Variants in ZNF784 observed in about 807,000 individuals in gnomAD.
ZNF784 encodes the protein zinc finger protein 784.
ZNF784 carries 5 observed loss-of-function variants against 3.3 expected under a neutral mutation model. The ratio of observed to expected loss-of-function variants is 1.53; its 90% CI spans 0.80 to 3.22. ZNF784 has a LOEUF of 3.22. Among genes scored for constraint, ZNF784 ranks in the 30% most tolerant of loss-of-function variants. The pLI is 0.00. For synonymous variants in ZNF784, 231 were observed against 219.6 expected, an observed-to-expected ratio of 1.05 and a Z score of -0.46; for missense variants, 501 against 480.7, an observed-to-expected ratio of 1.04 and a Z score of -0.39.
In ZNF784 at chr19:55,622,097, G is replaced by T; in HGVS notation, c.626C>A (p.Ser209Ter). ...CACGCGCTCGTGGTCTCGCATGTCT[G>T]AGGAGCGGCGGAAGGGCTTGGCGCA... ...RFCAKPFRRS[S>*]DMRDHERVHT... Residue 209 changes from serine to a stop codon, truncating the protein, a stop_gained, in exon 2 of 2, where the codon TCA becomes TAA. Coordinates refer to ENST00000325351, the MANE Select transcript of ZNF784 (RefSeq NM_203374.2). LOFTEE classifies it low-confidence loss of function (END_TRUNC). This position sits in a 1 kb window ranked among gnomAD's most constrained non-coding sequence, Gnocchi z 5.9. The T allele has an allele frequency of 6.4e-7, 1 of 1,570,070 alleles. No individual in the cohort carries two copies. Among genetic ancestry groups the T allele is most frequent in the East Asian group, 2.3e-5 (1 of 43,394 alleles).
rs955391535 is a variant in ZNF784, at chr19:55,621,633, G to T, written c.*118C>A. On this transcript the variant is annotated 3_prime_UTR_variant, in exon 2 of 2. Coordinates refer to ENST00000325351, the MANE Select transcript of ZNF784 (RefSeq NM_203374.2). This position sits in a 1 kb window ranked among gnomAD's most constrained non-coding sequence, Gnocchi z 4.1. ...GCGGCTCACAACCATCCCTGCAGCT[G>T]TCATCTCTCCCCCAATCTCCCCTCT... The T allele has an allele frequency of 4.9e-5, 65 of 1,337,576 alleles. No homozygotes were observed. The highest frequency in any genetic ancestry group is 2.6e-4 in the Middle Eastern group (1 of 3,798). The allele number at this position is 1,337,576 out of a possible 1,614,324, so 82.9% of individuals were successfully genotyped here. A position where few individuals can be genotyped will look rare whatever the true frequency, so the allele number is the denominator to read the frequency against.
chr19:55,622,715 T>C lies in ZNF784; in HGVS notation c.79-71A>G. 1 of 1,328,042 alleles carries C rather than the reference T, an allele frequency of 7.5e-7. No homozygotes were observed. Among genetic ancestry groups the C allele is most frequent in the Non-Finnish European group, 1.0e-6 (1 of 1,003,022 alleles). The allele number at this position is 1,328,042 out of a possible 1,614,324, so 82.3% of individuals were successfully genotyped here. On this transcript the variant is annotated intron_variant, in intron 1 of 1. Transcript: ENST00000325351. This position sits in a 1 kb window ranked among gnomAD's most constrained non-coding sequence, Gnocchi z 5.9. ...GACCGCCCCAGCACGCCCCAATTATTAAAGCTTGGGCTCCTCTGTTATTTT... is the reference window on the plus strand; with the variant it reads ...GACCGCCCCAGCACGCCCCAATTATCAAAGCTTGGGCTCCTCTGTTATTTT...
rs1354170846 is a variant in ZNF784, at chr19:55,620,808, T to C, written c.*943A>G. 5 of 152,656 alleles carry C rather than the reference T, an allele frequency of 3.3e-5. No individual in the cohort carries two copies. Among genetic ancestry groups the C allele is most frequent in the African/African-American group, 1.2e-4 (5 of 41,420 alleles). The allele number at this position is 152,656 out of a possible 1,614,324, so 9.5% of individuals were successfully genotyped here. A position where few individuals can be genotyped will look rare whatever the true frequency, so the allele number is the denominator to read the frequency against. ...CACACCTCCAGCTCCCAAGTCCTCCTCTCGCCCCCACCACAGTGACTCTTT... is the reference window on the plus strand; with the variant it reads ...CACACCTCCAGCTCCCAAGTCCTCCCCTCGCCCCCACCACAGTGACTCTTT... On this transcript the variant is annotated 3_prime_UTR_variant, in exon 2 of 2. Transcript: ENST00000325351.
Position 55,624,566 on chromosome 19 carries a change from T to G in ZNF784, c.-5A>C. ...CTCTGGGCGCGCAGCGGCCATCTTG[T>G]GCCCAAGCCCCGCCCCCAAGGCCAA... On this transcript the variant is annotated 5_prime_UTR_variant, in exon 1 of 2. Transcript: ENST00000325351. 1.3e-6 allele frequency: 2 copies of G among 1,579,406 alleles called. No individual in the cohort carries two copies. Among genetic ancestry groups the G allele is most frequent in the Non-Finnish European group, 8.6e-7 (1 of 1,163,072 alleles).
chr19:55,623,039 T>C (rs928597586), intron 1 of ZNF784, among the ~76,000 whole-genome samples: 1 of 152,084 alleles, frequency 6.6e-6, no homozygotes, highest in Admixed American at 6.5e-5. Context: ...AGCCAGGTGT[T>C]GTGGCTGCTG....
intron 1 of ZNF784, among the ~76,000 whole-genome samples, chr19:55,624,169 A>G (rs923373010): frequency 1.1e-4 from 17 of 151,300 alleles, no homozygotes; most frequent in South Asian, 4.2e-4. Flanking sequence ...GCTCCACCCA[A>G]ATTATGCAAA....
chr19:55,622,021 G>C lies in ZNF784; in HGVS notation c.702C>G (p.Thr234=). ...CGTGGCCGCTAAGCACCGAGGACTG[G>C]GTGAAGCCCTTGCCGCAGATGCCGC... ...YHCGICGKGF[T]QSSVLSGHAR... The change falls in exon 2 of 2, where the codon ACC becomes ACG. Residue 234 remains threonine, a synonymous_variant. Coordinates refer to ENST00000325351, the MANE Select transcript of ZNF784 (RefSeq NM_203374.2). The surrounding 1 kb of genome is among the most constrained non-coding windows in gnomAD (Gnocchi z 5.9). 1 of 1,593,834 alleles carries C rather than the reference G, an allele frequency of 6.3e-7. No homozygotes were observed. Among genetic ancestry groups the C allele is most frequent in the Non-Finnish European group, 8.5e-7 (1 of 1,177,970 alleles).
At position 55,622,346 on chromosome 19, in the gene ZNF784, TC is replaced by T; in HGVS notation, c.376del (p.Glu126SerfsTer57). ...LRAHYSLHTG[E>X]RPYRCALCPR... is the part of the protein sequence containing the mutation. ...GCAGAGCGCGCAGCGGTAGGGCCGC[TC>T]CCCCGTGTGCAAGCTGTAGTGCGCG... On this transcript the variant is annotated frameshift_variant, in exon 2 of 2. Coordinates refer to ENST00000325351, the MANE Select transcript of ZNF784 (RefSeq NM_203374.2). LOFTEE classifies it low-confidence loss of function (END_TRUNC). This position sits in a 1 kb window ranked among gnomAD's most constrained non-coding sequence, Gnocchi z 5.9. 1.3e-6 allele frequency: 2 copies of T among 1,515,436 alleles called. No homozygotes were observed. The highest frequency in any genetic ancestry group is 1.8e-6 in the Non-Finnish European group (2 of 1,133,052). 93.9% of individuals were successfully genotyped at this position (1,515,436 alleles called of 1,614,324 possible). A position where few individuals can be genotyped will look rare whatever the true frequency, so the allele number is the denominator to read the frequency against.
chr19:55,624,373 C>T (rs1981672764), intron 1 of ZNF784, 111 bp downstream of exon 1: 6 of 993,198 alleles, frequency 6.0e-6, no homozygotes, highest in Admixed American at 2.7e-5. Flanking sequence ...GGCCATAGCA[C>T]TAAATACCTC....
In ZNF784 at chr19:55,620,944, G is replaced by C. The variant is rs1303892727; in HGVS notation, c.*807C>G. The C allele has an allele frequency of 6.6e-6, 1 of 152,656 alleles. No individual in the cohort carries two copies. The highest frequency in any genetic ancestry group is 1.5e-5 in the Non-Finnish European group (1 of 68,130). The allele number at this position is 152,656 out of a possible 1,614,324, so 9.5% of individuals were successfully genotyped here. A position where few individuals can be genotyped will look rare whatever the true frequency, so the allele number is the denominator to read the frequency against. ...TTCGAACTGGGAGTGGAGGAAATTA[G>C]AGAAACCTGAGGCTACCTTGAGGCT... is the stretch of plus-strand genomic sequence containing the variant. On this transcript the variant is annotated 3_prime_UTR_variant, in exon 2 of 2. Coordinates refer to ENST00000325351, the MANE Select transcript of ZNF784 (RefSeq NM_203374.2).
chr19:55,621,171 C>T lies in ZNF784; in HGVS notation c.*580G>A, dbSNP rs1444668196. 1 of 163,154 alleles carries T rather than the reference C, an allele frequency of 6.1e-6. No individual in the cohort carries two copies. The highest frequency in any genetic ancestry group is 2.4e-5 in the African/African-American group (1 of 41,464). 10.1% of individuals were successfully genotyped at this position (163,154 alleles called of 1,614,324 possible). ...GAGGCTCAAGTGCTCTCAGCGGTGA[C>T]TTGGGGACCCTCTGGCTTTGAGGTG... On this transcript the variant is annotated 3_prime_UTR_variant, in exon 2 of 2. Transcript: ENST00000325351. The surrounding 1 kb of genome is among the most constrained non-coding windows in gnomAD (Gnocchi z 4.1).
chr19:55,624,135 TTA>T (rs565866396), intron 1 of ZNF784, among the ~76,000 whole-genome samples: 164 of 152,182 alleles, frequency 1.1e-3, no homozygotes, highest in South Asian at 2.1e-3. Context: ...GCCCTAGAAT[TTA>T]TGAGGCCCCG....
rs1000123174 is a variant in ZNF784, at chr19:55,621,866, C to G, written c.857G>C (p.Gly286Ala). Residue 286 changes from glycine to alanine, a missense_variant, in exon 2 of 2, where the codon GGA (glycine) becomes GCA (alanine). Gly to Ala is a moderately conservative substitution (Grantham distance 60). Transcript: ENST00000325351. This position sits in a 1 kb window ranked among gnomAD's most constrained non-coding sequence, Gnocchi z 4.1. ...AGCCGCCGACGAGCCCAGCTGGCCT[C>G]CAGAGTCTCCCAGCCCCGGCCCCGG... Reference protein sequence around the residue: ...HGPGPGLGDSGGQLGSSAAEG... With the variant: ...HGPGPGLGDSAGQLGSSAAEG... 7.6e-6 allele frequency: 12 copies of G among 1,585,644 alleles called. No homozygotes were observed. The highest frequency in any genetic ancestry group is 1.0e-5 in the Non-Finnish European group (12 of 1,173,062).
intron 1 of ZNF784, among the ~76,000 whole-genome samples, chr19:55,623,486 C>A (rs1479775312): frequency 1.3e-5 from 2 of 152,248 alleles, no homozygotes; most frequent in Non-Finnish European, 2.9e-5. Context: ...GTTCCTATTT[C>A]TGCTGGCTTG....
chr19:55,621,979 G>A lies in ZNF784; in HGVS notation c.744C>T (p.Gly248=), dbSNP rs140448886. 1.3e-6 allele frequency: 2 copies of A among 1,594,844 alleles called. No homozygotes were observed. The highest frequency in any genetic ancestry group is 1.7e-6 in the Non-Finnish European group (2 of 1,177,836). ...VLSGHARIHT[G]ERPFRCTLCD... is the part of the protein sequence containing the mutation. ...AGAGCGTGCAGCGGAACGGGCGCTC[G>A]CCAGTGTGGATGCGGGCGTGGCCGC... Residue 248 remains glycine (G), a synonymous_variant, in exon 2 of 2, where the codon GGC becomes GGT. Transcript: ENST00000325351. This position sits in a 1 kb window ranked among gnomAD's most constrained non-coding sequence, Gnocchi z 4.1.
In ZNF784 at chr19:55,622,311, A is replaced by T; in HGVS notation, c.412T>A (p.Phe138Ile). The change falls in exon 2 of 2, where the codon TTC becomes ATC. Residue 138 changes from phenylalanine to isoleucine, a missense_variant. By Grantham distance (21) the Phe-to-Ile change is conservative (BLOSUM62 0). Coordinates refer to ENST00000325351, the MANE Select transcript of ZNF784 (RefSeq NM_203374.2). The surrounding 1 kb of genome is among the most constrained non-coding windows in gnomAD (Gnocchi z 5.9). Reference sequence around the variant, plus strand: ...CGGAGCAGGGGCGCCAAGGCCTTGAAGGCGCGGGGGCAGAGCGCGCAGCGG... The same window carrying T: ...CGGAGCAGGGGCGCCAAGGCCTTGATGGCGCGGGGGCAGAGCGCGCAGCGG... Reference protein sequence around the residue: ...PYRCALCPRAFKALAPLLRHQ... With the variant: ...PYRCALCPRAIKALAPLLRHQ... The T allele has an allele frequency of 6.6e-7, 1 of 1,519,126 alleles. No individual in the cohort carries two copies. Among genetic ancestry groups the T allele is most frequent in the Non-Finnish European group, 8.8e-7 (1 of 1,135,546 alleles). 94.1% of individuals were successfully genotyped at this position (1,519,126 alleles called of 1,614,324 possible).
chr19:55,620,796 C>G lies in ZNF784; in HGVS notation c.*955G>C, dbSNP rs1375034714. The G allele has an allele frequency of 6.5e-6, 1 of 152,736 alleles. No individual in the cohort carries two copies. The highest frequency in any genetic ancestry group is 1.5e-5 in the Non-Finnish European group (1 of 68,112). The allele number at this position is 152,736 out of a possible 1,614,324, so 9.5% of individuals were successfully genotyped here. ...AACTGAAGGTGTCACACCTCCAGCT[C>G]CCAAGTCCTCCTCTCGCCCCCACCA... On this transcript the variant is annotated 3_prime_UTR_variant, in exon 2 of 2. Transcript: ENST00000325351.
At chr19:55,623,294 A>G (rs1450457393) in intron 1 of ZNF784, among the ~76,000 whole-genome samples, 2 of 152,224 alleles carry the variant, frequency 1.3e-5, no homozygotes, top group South Asian at 4.1e-4. Flanking sequence ...TCTGCCTCCT[A>G]AAGTGCTGGG....
In ZNF784 at chr19:55,622,931, C is replaced by T. The variant is rs1028738651; in HGVS notation, c.79-287G>A. Among the ~76,000 whole-genome samples the T allele has an allele frequency of 1.3e-5, 2 of 152,140 alleles. No individual in the cohort carries two copies. Among genetic ancestry groups the T allele is most frequent in the African/African-American group, 2.4e-5 (1 of 41,424 alleles). On this transcript the variant is annotated intron_variant, in intron 1 of 1. Transcript: ENST00000325351. The surrounding 1 kb of genome is among the most constrained non-coding windows in gnomAD (Gnocchi z 5.9). ...GTGGCTCAGGCCTGTAATACCAGCA[C>T]ATTGGGAGGCTGAGGTAGGCAGATC... is the stretch of plus-strand genomic sequence containing the variant.
Sources: gnomAD v4.1 joint callset for allele counts (sites outside exome capture counted in the v4.1 genomes callset) on GRCh38, gnomAD v4.1.1 for gene constraint, Gnocchi (gnomAD v3.1) non-coding constraint, MANE v1.5 for transcripts, NCBI Gene and HGNC (gene_info 2026-07-23, HGNC 2026-07-21) for gene names.